IFT122: variants seen among roughly 807,000 people sequenced by gnomAD.
The protein encoded by IFT122 is intraflagellar transport protein 122 homolog.
Under a neutral mutation model 161.6 loss-of-function variants are expected in IFT122, and 118 were observed. The ratio of observed to expected loss-of-function variants is 0.73; its 90% CI spans 0.63 to 0.85. The LOEUF (loss-of-function observed/expected upper bound fraction) is 0.85. IFT122 is among the 40% of genes least tolerant of loss of function. IFT122 has a pLI of 0.00. For missense variants in IFT122, 1,381 were observed against 1,579.6 expected (o/e 0.87, Z 2.13); for synonymous variants, 550 against 602.4 (o/e 0.91, Z 1.27).
intron 9 of IFT122, among the ~76,000 whole-genome samples, chr3:129,472,001 G>C (rs577362345): frequency 1.3e-5 from 2 of 152,140 alleles, no homozygotes; most frequent in South Asian, 4.2e-4. Context: ...GAAGCACAGA[G>C]AGGCTCAATA....
At chr3:129,446,835 A>C (rs2074064682) in intron 1 of IFT122, among the ~76,000 whole-genome samples, 3 of 152,154 alleles carry the variant, frequency 2.0e-5, no homozygotes, top group Admixed American at 2.0e-4. Context: ...ATCCCATGCT[A>C]AACTTTTACT....
intron 18 of IFT122, 77 bp downstream of exon 18, chr3:129,495,684 TC>T: frequency 6.5e-7 from 1 of 1,527,902 alleles, no homozygotes. Context: ...CAAGTTATTT[TC>T]CCCAAGAGTG....
In IFT122 at chr3:129,510,234, G is replaced by A. The variant is rs947707280; in HGVS notation, c.2887-2078G>A. ...AGCCACCACGCCCAGCCTTCCCGCCGTTCTTTGACCTCTCAAATGCCCTGC... is the reference window on the plus strand; with the variant it reads ...AGCCACCACGCCCAGCCTTCCCGCCATTCTTTGACCTCTCAAATGCCCTGC... On this transcript the variant is annotated intron_variant, in intron 23 of 29. Transcript: ENST00000348417. Among the ~76,000 whole-genome samples the A allele has an allele frequency of 1.5e-4, 23 of 152,290 alleles. 1 individual carries two copies. Among genetic ancestry groups the A allele is most frequent in the South Asian group, 1.5e-3 (7 of 4,818 alleles).
In IFT122 at chr3:129,499,466, G is replaced by T. The variant is rs545749684; in HGVS notation, c.2209-436G>T. 1.7e-3 allele frequency among the ~76,000 whole-genome samples: 266 copies of T among 152,280 alleles called. 4 individuals are homozygous for T. The highest frequency in any genetic ancestry group is 5.9e-3 in the African/African-American group (247 of 41,548). Reference sequence around the variant, plus strand: ...TGATCTGAATAAGATGACAGGTCTCGATATGTGGAATTGTGCACCAGGTTG... The same window carrying T: ...TGATCTGAATAAGATGACAGGTCTCTATATGTGGAATTGTGCACCAGGTTG... On this transcript the variant is annotated intron_variant, in intron 18 of 29. Coordinates refer to ENST00000348417, the MANE Select transcript of IFT122 (RefSeq NM_052989.3).
At chr3:129,472,560 C>A (rs2077474528) in intron 9 of IFT122, among the ~76,000 whole-genome samples, 1 of 152,132 alleles carries the variant, frequency 6.6e-6, no homozygotes, top group South Asian at 2.1e-4. Flanking sequence ...CAATTTGTTA[C>A]ATTTTTCTTC....
chr3:129,518,167 A>T (rs561311201), intron 27 of IFT122, among the ~76,000 whole-genome samples: 169 of 152,342 alleles, frequency 1.1e-3, no homozygotes, highest in African/African-American at 3.8e-3. Flanking sequence ...CAGAGATGTC[A>T]GGAGCAGTGC....
At chr3:129,447,141 A>C (rs1364011092) in intron 1 of IFT122, among the ~76,000 whole-genome samples, 1 of 152,130 alleles carries the variant, frequency 6.6e-6, no homozygotes, top group Non-Finnish European at 1.5e-5. Flanking sequence ...GAAGAGTCAA[A>C]CTGCAAAATA....
At chr3:129,475,480 C>T (rs1027062813) in intron 9 of IFT122, among the ~76,000 whole-genome samples, 10 of 152,116 alleles carry the variant, frequency 6.6e-5, no homozygotes, top group East Asian at 1.9e-4. Context: ...GGAGAAACAC[C>T]GTCTCTGCAA....
chr3:129,475,467 C>T (rs1217228405), intron 9 of IFT122, among the ~76,000 whole-genome samples: 2 of 152,162 alleles, frequency 1.3e-5, no homozygotes, highest in African/African-American at 2.4e-5. Context: ...GCCGGGACAA[C>T]AAGGAGAAAC....
Position 129,483,511 on chromosome 3 carries a change from G to A in IFT122, c.1680G>A (p.Trp560Ter), listed in dbSNP as rs1051186701. The A allele has an allele frequency of 1.2e-6, 2 of 1,613,822 alleles. No homozygotes were observed. The highest frequency in any genetic ancestry group is 2.7e-5 in the African/African-American group (2 of 74,854). ...FQEPNANSVA[W>*]NTQCEDMLCF... ...AACCAAACGCCAACAGTGTAGCTTG[G>A]AACACCCAGTGTGAGGACATGCTCT... The change falls in exon 15 of 30, where the codon TGG (tryptophan) becomes TGA (stop). Residue 560 changes from tryptophan to a stop codon, truncating the protein, a stop_gained. Coordinates refer to ENST00000348417, the MANE Select transcript of IFT122 (RefSeq NM_052989.3). LOFTEE classifies it high-confidence loss of function.
intron 5 of IFT122, 81 bp from the exon 6 acceptor site, chr3:129,463,479 A>G: frequency 1.8e-6 from 2 of 1,094,132 alleles, no homozygotes. Context: ...AAGTTGTTGT[A>G]TGTTTCAATT....
intron 1 of IFT122, among the ~76,000 whole-genome samples, chr3:129,440,756 ATTTATT>A (rs2072924528): frequency 6.6e-6 from 1 of 152,206 alleles, no homozygotes; most frequent in Admixed American, 6.5e-5. Context: ...AAATTGTCTC[ATTTATT>A]TTAATTATGA....
At chr3:129,452,952 G>A (rs2075024678) in intron 3 of IFT122, among the ~76,000 whole-genome samples, 1 of 152,132 alleles carries the variant, frequency 6.6e-6, no homozygotes. Context: ...CTGACAGATT[G>A]GATATGGGCT....
intron 3 of IFT122, chr3:129,452,228 C>T: frequency 1.2e-5 from 6 of 497,534 alleles, no homozygotes; most frequent in South Asian, 6.1e-5. Context: ...GAGAAAAAAA[C>T]GGTGGTCCCT....
In IFT122 at chr3:129,487,738, T is replaced by TA. The variant is rs578233160; in HGVS notation, c.1852-518dup. On this transcript the variant is annotated intron_variant, in intron 15 of 29. Coordinates refer to ENST00000348417, the MANE Select transcript of IFT122 (RefSeq NM_052989.3). Reference sequence around the variant, plus strand: ...CTGGGGTTCTGCTGAGGGAGGCCGATACAACCCACCACTGCCCACGGCTGT... The same window carrying TA: ...CTGGGGTTCTGCTGAGGGAGGCCGATAACAACCCACCACTGCCCACGGCTGT... The TA allele has an allele frequency of 3.2e-3, 624 of 194,714 alleles. 2 individuals are homozygous for TA. The highest frequency in any genetic ancestry group is 0.014 in the African/African-American group (557 of 39,126). 12.1% of individuals were successfully genotyped at this position (194,714 alleles called of 1,614,324 possible).
chr3:129,502,602 A>G (rs1168813976), intron 19 of IFT122, 109 bp from the exon 20 acceptor site: 2 of 1,259,332 alleles, frequency 1.6e-6, no homozygotes, highest in Non-Finnish European at 2.3e-6. Context: ...AGCAACTCCC[A>G]TGGGCCATGG....
At chr3:129,506,319 C>G in intron 21 of IFT122, 90 bp from the exon 22 acceptor site, 2 of 1,489,468 alleles carry the variant, frequency 1.3e-6, no homozygotes, top group Non-Finnish European at 1.9e-6. Context: ...TCCAAAGCAG[C>G]CCTGTGCAAG....
At position 129,481,602 on chromosome 3, in the gene IFT122, G is replaced by A. The variant is rs200378115; in HGVS notation, c.1561G>A (p.Asp521Asn). ...GCAGGCCACAGCTGTGCGCTGCTTG[G>A]ACATGAGTGCCTCCCGTAAGAAGCT... Reference protein sequence around the residue: ...LKQATAVRCLDMSASRKKLAV... With the variant: ...LKQATAVRCLNMSASRKKLAV... The change falls in exon 14 of 30, where the codon GAC (aspartate) becomes AAC (asparagine). Residue 521 changes from aspartate (D) to asparagine (N), a missense_variant. Physicochemically the swap from Asp to Asn is conservative, Grantham distance 23 (BLOSUM62 1). Coordinates refer to ENST00000348417, the MANE Select transcript of IFT122 (RefSeq NM_052989.3). The A allele has an allele frequency of 6.3e-7, 1 of 1,588,608 alleles. No homozygotes were observed.
At chr3:129,454,516 TGTGTGTGTG>T (rs1559850262) in intron 3 of IFT122, among the ~76,000 whole-genome samples, 25 of 125,548 alleles carry the variant, frequency 2.0e-4, no homozygotes, top group African/African-American at 7.2e-4. Context: ...GTCATATTTG[TGTGTGTGTG>T]TGTGTGTGTG....
Sources: allele counts gnomAD v4.1 joint callset (sites outside exome capture counted in the v4.1 genomes callset), GRCh38; gene constraint gnomAD v4.1.1; transcripts MANE v1.5; gene names NCBI Gene and HGNC (gene_info 2026-07-23, HGNC 2026-07-21).